Variants in RPH3A observed in about 807,000 individuals in gnomAD.
The protein encoded by RPH3A is rabphilin-3A.
Under a neutral mutation model 102.2 loss-of-function variants are expected in RPH3A, and 48 were observed. The observed-to-expected ratio is 0.47, with a 90% confidence interval of 0.37 to 0.60. The LOEUF (loss-of-function observed/expected upper bound fraction) is 0.60. Among genes scored for constraint, RPH3A ranks in the 20% least tolerant of loss-of-function variants. The pLI is 0.00. For missense variants in RPH3A, 781 were observed against 910.1 expected (o/e 0.86, Z 1.83); for synonymous variants, 310 against 324.3 (o/e 0.96, Z 0.47).
intron 1 of RPH3A, among the ~76,000 whole-genome samples, chr12:112,698,755 C>T (rs909239757): frequency 8.5e-5 from 13 of 152,162 alleles, no homozygotes; most frequent in African/African-American, 2.7e-4. Flanking sequence ...AACTCTCATA[C>T]GTTACTGTTG....
At chr12:112,854,906 A>G (rs1285344875) in intron 5 of RPH3A, among the ~76,000 whole-genome samples, 1 of 152,264 alleles carries the variant, frequency 6.6e-6, no homozygotes, top group Non-Finnish European at 1.5e-5. Context: ...CAGAGAAGTC[A>G]ATAATGACAG....
At chr12:112,750,631 G>A (rs1030723299) in intron 1 of RPH3A, among the ~76,000 whole-genome samples, 4 of 152,204 alleles carry the variant, frequency 2.6e-5, no homozygotes, top group Non-Finnish European at 4.4e-5. Flanking sequence ...TGGGTGGTAT[G>A]TAAGAGAGGA....
rs990855363 is a variant in RPH3A, at chr12:112,699,368, G to A, written c.-139-92775G>A. On this transcript the variant is annotated intron_variant, in intron 1 of 21. Transcript: ENST00000543106. ...GCTTTATTCATAATTCCTTAAATCT[G>A]GAGACAACACAGATGTCTGTCAACA... is the stretch of plus-strand genomic sequence containing the variant. Among the ~76,000 whole-genome samples, 15 of 152,190 alleles carry A rather than the reference G, an allele frequency of 9.9e-5. 1 individual carries two copies. Among genetic ancestry groups the A allele is most frequent in the Admixed American group, 9.2e-4 (14 of 15,282 alleles).
intron 21 of RPH3A, among the ~76,000 whole-genome samples, chr12:112,896,250 G>A (rs1177308256): frequency 6.6e-6 from 1 of 152,158 alleles, no homozygotes; most frequent in African/African-American, 2.4e-5. Context: ...GATGAAGCAG[G>A]GGGGTGGGGA....
intron 1 of RPH3A, among the ~76,000 whole-genome samples, chr12:112,720,693 T>G (rs1210083217): frequency 1.3e-5 from 2 of 152,208 alleles, no homozygotes; most frequent in Non-Finnish European, 1.5e-5. Context: ...GTTCTTTTCT[T>G]GGTACTGGCA....
intron 1 of RPH3A, among the ~76,000 whole-genome samples, chr12:112,636,589 A>G (rs1347110167): frequency 1.3e-5 from 2 of 152,220 alleles, no homozygotes. Context: ...TGTGCCATCC[A>G]GGATACCAAC....
chr12:112,652,231 T>C (rs2039979595), intron 1 of RPH3A, among the ~76,000 whole-genome samples: 1 of 152,108 alleles, frequency 6.6e-6, no homozygotes, highest in African/African-American at 2.4e-5. Flanking sequence ...ATCCCAGCAC[T>C]TTGAGAGGCT....
intron 1 of RPH3A, among the ~76,000 whole-genome samples, chr12:112,635,328 G>T (rs1419265603): frequency 2.0e-5 from 3 of 152,146 alleles, no homozygotes; most frequent in Admixed American, 1.3e-4. Context: ...TAAGTGCTAG[G>T]CTCTGGAGTC....
At chr12:112,672,222 A>T (rs899736039) in intron 1 of RPH3A, among the ~76,000 whole-genome samples, 5 of 152,030 alleles carry the variant, frequency 3.3e-5, no homozygotes, top group Admixed American at 6.6e-5. Context: ...TCTACCTTGC[A>T]ATCTGGAGGA....
chr12:112,627,996 G>T (rs1337557765), intron 1 of RPH3A, among the ~76,000 whole-genome samples: 1 of 136,356 alleles, frequency 7.3e-6, no homozygotes, highest in African/African-American at 2.7e-5. Context: ...CAAAGGGCCG[G>T]GGGCGGGGGT....
At chr12:112,641,662 T>G (rs1207479795) in intron 1 of RPH3A, among the ~76,000 whole-genome samples, 2 of 152,214 alleles carry the variant, frequency 1.3e-5, no homozygotes, top group Non-Finnish European at 2.9e-5. Context: ...CCTCCCAAAG[T>G]GCTGGGATTA....
At chr12:112,865,890 C>A (rs992397632) in intron 6 of RPH3A, among the ~76,000 whole-genome samples, 1 of 152,194 alleles carries the variant, frequency 6.6e-6, no homozygotes, top group African/African-American at 2.4e-5. Context: ...GCATGCTAAG[C>A]ACATGTTTAT....
chr12:112,702,814 G>A (rs140620189), intron 1 of RPH3A, among the ~76,000 whole-genome samples: 5 of 152,334 alleles, frequency 3.3e-5, no homozygotes, highest in African/African-American at 7.2e-5. Context: ...GACCTGACAC[G>A]TCAAACTGAT....
rs533039228 is a variant in RPH3A at position 112,825,051 on chromosome 12, C to T, written c.-18-3250C>T. Among the ~76,000 whole-genome samples the T allele has an allele frequency of 3.3e-4, 51 of 152,270 alleles. 1 individual carries two copies. The highest frequency in any genetic ancestry group is 1.1e-3 in the African/African-American group (47 of 41,546). On this transcript the variant is annotated intron_variant, in intron 2 of 21. Coordinates refer to ENST00000389385, the MANE Select transcript of RPH3A (RefSeq NM_001143854.2). Reference sequence around the variant, plus strand: ...AACTGCAGCCGAGGAAGCTCATTCTCGGGGACTGAGCCTCTTTGCACTCAG... The same window carrying T: ...AACTGCAGCCGAGGAAGCTCATTCTTGGGGACTGAGCCTCTTTGCACTCAG...
chr12:112,684,509 C>G (rs1176543979), intron 1 of RPH3A, among the ~76,000 whole-genome samples: 1 of 152,042 alleles, frequency 6.6e-6, no homozygotes, highest in Non-Finnish European at 1.5e-5. Context: ...CTCAAGTGAT[C>G]CACCTGTCTC....
At chr12:112,665,214 G>A (rs1284096940) in intron 1 of RPH3A, among the ~76,000 whole-genome samples, 1 of 152,146 alleles carries the variant, frequency 6.6e-6, no homozygotes, top group Admixed American at 6.5e-5. Context: ...GCTTTTGAGG[G>A]AGTCCAGACC....
intron 1 of RPH3A, among the ~76,000 whole-genome samples, chr12:112,707,581 A>G (rs533751772): frequency 1.1e-3 from 172 of 152,342 alleles, no homozygotes; most frequent in African/African-American, 3.8e-3. Context: ...ATATATAGAT[A>G]CAAGCATATT....
chr12:112,876,693 C>G lies in RPH3A; in HGVS notation c.998C>G (p.Thr333Arg), dbSNP rs371903255. ...ACTGCCCCACCCCGAGAGGAGAGAA[C>G]AGGGGGAGTCGGGGGCTACCCAGCA... Reference protein sequence around the residue: ...GTTAPPREERTGGVGGYPAVG... With the variant: ...GTTAPPREERRGGVGGYPAVG... Residue 333 changes from threonine to arginine, a missense_variant, in exon 13 of 22, where the codon ACA (threonine) becomes AGA (arginine). Around this residue, in one of 2 missense-constraint regions of RPH3A, gnomAD observed 730 missense variants for 810.0 expected, o/e 0.90. Coordinates refer to ENST00000389385, the MANE Select transcript of RPH3A (RefSeq NM_001143854.2). The G allele has an allele frequency of 6.2e-7, 1 of 1,613,428 alleles. No homozygotes were observed. The highest frequency in any genetic ancestry group is 2.2e-5 in the East Asian group (1 of 44,864).
intron 1 of RPH3A, among the ~76,000 whole-genome samples, chr12:112,784,175 C>T (rs1410164749): frequency 6.6e-6 from 1 of 152,190 alleles, no homozygotes; most frequent in African/African-American, 2.4e-5. Context: ...AATCTTCCAG[C>T]AAATATCAGC....
Sources: allele counts gnomAD v4.1 joint callset (sites outside exome capture counted in the v4.1 genomes callset), GRCh38; gene constraint gnomAD v4.1.1; regional missense constraint gnomAD v4.1.1; transcripts MANE v1.5; gene names NCBI Gene and HGNC (gene_info 2026-07-23, HGNC 2026-07-21).